PRKD1: variants seen among roughly 807,000 people sequenced by gnomAD.
PRKD1 encodes serine/threonine-protein kinase D1.
In PRKD1, 63 loss-of-function variants were observed where a neutral mutation model predicts 95.9. That is an observed-to-expected ratio of 0.66 (90% CI 0.54 to 0.81). PRKD1 has a LOEUF of 0.81. PRKD1 is among the 30% of genes least tolerant of loss of function. PRKD1 has a pLI of 0.00. For missense variants in PRKD1, 1,048 were observed against 1,165.3 expected, an observed-to-expected ratio of 0.90 and a Z score of 1.47; for synonymous variants, 425 against 423.1, an observed-to-expected ratio of 1.00 and a Z score of -0.05.
intron 2 of PRKD1, among the ~76,000 whole-genome samples, chr14:29,674,125 G>T (rs1018213510): frequency 3.9e-5 from 6 of 152,022 alleles, no homozygotes; most frequent in Non-Finnish European, 1.5e-5. Flanking sequence ...AAAGACCTGG[G>T]TTAGAATCAC....
chr14:29,709,193 T>A (rs1054921289), intron 2 of PRKD1, among the ~76,000 whole-genome samples: 1 of 152,206 alleles, frequency 6.6e-6, no homozygotes, highest in Non-Finnish European at 1.5e-5. Context: ...TGTTTCATTA[T>A]TGTTACTAGT....
chr14:29,737,013 A>G (rs1399170658), intron 1 of PRKD1, among the ~76,000 whole-genome samples: 1 of 152,140 alleles, frequency 6.6e-6, no homozygotes. Context: ...AAAGAGAGAC[A>G]TGGCCCAATT....
At chr14:29,915,518 C>A (rs1958981) in intron 1 of PRKD1, among the ~76,000 whole-genome samples, 3,596 of 152,024 alleles carry the variant, frequency 0.024, 150 homozygotes, top group African/African-American at 0.083. Flanking sequence ...CCCCAATGAC[C>A]GTCCAGTTCT....
At chr14:29,748,125 T>C (rs889797776) in intron 1 of PRKD1, among the ~76,000 whole-genome samples, 1 of 152,170 alleles carries the variant, frequency 6.6e-6, no homozygotes, top group Non-Finnish European at 1.5e-5. Flanking sequence ...CACCATGCAA[T>C]CTCACTGAAG....
At chr14:29,833,400 G>A (rs1891491114) in intron 1 of PRKD1, among the ~76,000 whole-genome samples, 1 of 152,004 alleles carries the variant, frequency 6.6e-6, no homozygotes, top group Non-Finnish European at 1.5e-5. Flanking sequence ...CACACATACA[G>A]TCTATTCTTA....
At chr14:29,785,008 A>G (rs1193260798) in intron 1 of PRKD1, among the ~76,000 whole-genome samples, 2 of 152,180 alleles carry the variant, frequency 1.3e-5, no homozygotes, top group Non-Finnish European at 2.9e-5. Context: ...GCCAAATTCC[A>G]TCTCCTTTTA....
intron 7 of PRKD1, among the ~76,000 whole-genome samples, chr14:29,635,524 ATTTG>A (rs1239765902): frequency 6.6e-6 from 1 of 152,240 alleles, no homozygotes; most frequent in Non-Finnish European, 1.5e-5. Context: ...CTCATGAACA[ATTTG>A]TTTGTCAATA....
intron 2 of PRKD1, among the ~76,000 whole-genome samples, chr14:29,703,885 C>T (rs1884957434): frequency 6.6e-6 from 1 of 152,144 alleles, no homozygotes; most frequent in African/African-American, 2.4e-5. Flanking sequence ...TTTCACATGG[C>T]CTCTCACAAA....
chr14:29,593,262 T>G (rs1164530435), intron 16 of PRKD1, among the ~76,000 whole-genome samples: 1 of 152,218 alleles, frequency 6.6e-6, no homozygotes, highest in Non-Finnish European at 1.5e-5. Flanking sequence ...TCCATTTTAC[T>G]GGAAACACCA....
intron 16 of PRKD1, among the ~76,000 whole-genome samples, chr14:29,583,629 C>A (rs556223552): frequency 1.3e-5 from 2 of 152,062 alleles, no homozygotes; most frequent in East Asian, 3.9e-4. Context: ...CTTTTTAATA[C>A]CTTGTCTTAA....
intron 1 of PRKD1, among the ~76,000 whole-genome samples, chr14:29,877,135 G>A (rs1893327838): frequency 6.6e-6 from 1 of 152,090 alleles, no homozygotes; most frequent in African/African-American, 2.4e-5. Flanking sequence ...CTGGGCCAGA[G>A]AGCAAGACGC....
chr14:29,611,178 T>G (rs527547394), intron 13 of PRKD1, among the ~76,000 whole-genome samples: 5 of 152,280 alleles, frequency 3.3e-5, no homozygotes, highest in African/African-American at 1.2e-4. Flanking sequence ...GGTGGGTTCA[T>G]CCACTCTAAC....
chr14:29,923,810 GAAA>G (rs768450153), intron 1 of PRKD1, among the ~76,000 whole-genome samples: 1 of 99,984 alleles, frequency 1.0e-5, no homozygotes. Flanking sequence ...CTCATTTGAG[GAAA>G]AAAAAAAAAA....
intron 2 of PRKD1, among the ~76,000 whole-genome samples, chr14:29,704,332 A>G (rs956184316): frequency 1.3e-5 from 2 of 152,208 alleles, no homozygotes; most frequent in Non-Finnish European, 2.9e-5. Context: ...TCATCTTTGT[A>G]CTAGTAGCCA....
chr14:29,885,804 T>TAAAAAAATAA (rs1893683331), intron 1 of PRKD1, among the ~76,000 whole-genome samples: 3 of 53,502 alleles, frequency 5.6e-5, no homozygotes, highest in Non-Finnish European at 1.1e-4. Flanking sequence ...CCATCTTTAC[T>TAAAAAAATAA]AAAAAAAAAA....
chr14:29,807,233 C>T (rs1336556914), intron 1 of PRKD1, among the ~76,000 whole-genome samples: 1 of 152,004 alleles, frequency 6.6e-6, no homozygotes, highest in Non-Finnish European at 1.5e-5. Flanking sequence ...CACTGCTCAA[C>T]TCCTATTGTG....
intron 1 of PRKD1, among the ~76,000 whole-genome samples, chr14:29,726,930 G>A (rs1287460746): frequency 1.3e-5 from 2 of 151,956 alleles, no homozygotes; most frequent in Non-Finnish European, 2.9e-5. Flanking sequence ...GGGATGGCTG[G>A]GTCAAATGGT....
At chr14:29,834,033 A>G (rs1347602463) in intron 1 of PRKD1, among the ~76,000 whole-genome samples, 1 of 152,180 alleles carries the variant, frequency 6.6e-6, no homozygotes, top group Non-Finnish European at 1.5e-5. Context: ...TCCCCTCCAC[A>G]GATTTCCTAC....
At chr14:29,714,465 C>G (rs1411335436) in intron 2 of PRKD1, among the ~76,000 whole-genome samples, 1 of 152,160 alleles carries the variant, frequency 6.6e-6, no homozygotes, top group Non-Finnish European at 1.5e-5. Context: ...ACAACAGATG[C>G]TGGAGAGCAT....
Sources: allele counts gnomAD v4.1 joint callset (sites outside exome capture counted in the v4.1 genomes callset), GRCh38; gene constraint gnomAD v4.1.1; transcripts MANE v1.5; gene names NCBI Gene and HGNC (gene_info 2026-07-23, HGNC 2026-07-21).